Variants in CACNA1H observed in about 807,000 individuals in gnomAD.
The protein encoded by CACNA1H is voltage-dependent T-type calcium channel subunit alpha-1H.
In CACNA1H, 149 loss-of-function variants were observed where a neutral mutation model predicts 192.5. The ratio of observed to expected loss-of-function variants is 0.77; its 90% CI spans 0.68 to 0.89. The LOEUF (loss-of-function observed/expected upper bound fraction) is 0.89. Among genes scored for constraint, CACNA1H ranks in the 40% least tolerant of loss-of-function variants. The pLI is 0.00. For synonymous variants in CACNA1H, 2,202 were observed against 1,475.2 expected (o/e 1.49, Z -11.29); for missense variants, 4,257 against 3,423.5 (o/e 1.24, Z -6.08).
chr16:1,211,940 C>T lies in CACNA1H; in HGVS notation c.4567-6C>T, dbSNP rs750979154. On this transcript the variant is annotated splice_polypyrimidine_tract_variant and splice_region_variant and intron_variant, in intron 24 of 34. Transcript: ENST00000348261. ...CGGGCGGGGACCCACCGCCTCTGTGCCACAGCCTGTGCAGAACCACAACCC... is the reference window on the plus strand; with the variant it reads ...CGGGCGGGGACCCACCGCCTCTGTGTCACAGCCTGTGCAGAACCACAACCC... 1.2e-5 allele frequency: 19 copies of T among 1,612,938 alleles called. No individual in the cohort carries two copies. Among genetic ancestry groups the T allele is most frequent in the Admixed American group, 5.0e-5 (3 of 60,010 alleles).
At position 1,220,086 on chromosome 16, in the gene CACNA1H, G is replaced by A; in HGVS notation, c.6154G>A (p.Gly2052Arg). 1 of 1,461,694 alleles carries A rather than the reference G, an allele frequency of 6.8e-7. No homozygotes were observed. Among genetic ancestry groups the A allele is most frequent in the Non-Finnish European group, 9.0e-7 (1 of 1,108,574 alleles). 90.5% of individuals were successfully genotyped at this position (1,461,694 alleles called of 1,614,324 possible). ...AACCCCGGTGAGGCCGGTGACCCAG[G>A]GGGGCTCCCTGCAGTCCCCACCACG... is the stretch of plus-strand genomic sequence containing the variant. ...EKTPVRPVTQ[G>R]GSLQSPPRSP... is the part of the protein sequence containing the mutation. Residue 2052 changes from glycine to arginine, a missense_variant, in exon 35 of 35, where the codon GGG becomes AGG. Physicochemically the swap from Gly to Arg is moderately radical, Grantham distance 125. Transcript: ENST00000348261.
At position 1,180,720 on chromosome 16, in the gene CACNA1H, G is replaced by A. The variant is rs1965381019; in HGVS notation, c.300-14252G>A. On this transcript the variant is annotated intron_variant, in intron 2 of 34. Coordinates refer to ENST00000348261, the MANE Select transcript of CACNA1H (RefSeq NM_021098.3). The surrounding 1 kb of genome is among the most constrained non-coding windows in gnomAD (Gnocchi z 4.4). ...GAGGTGCAGACTGGGGAGAGTGCAGGGTGTGCAGCGGGGGCTGGGATGCCG... is the reference window on the plus strand; with the variant it reads ...GAGGTGCAGACTGGGGAGAGTGCAGAGTGTGCAGCGGGGGCTGGGATGCCG... 6.6e-6 allele frequency among the ~76,000 whole-genome samples: 1 copy of A among 152,128 alleles called. No homozygotes were observed. The highest frequency in any genetic ancestry group is 2.1e-4 in the South Asian group (1 of 4,836).
At chr16:1,157,680 C>T (rs1181745863) in intron 2 of CACNA1H, 2 of 152,450 alleles carry the variant, frequency 1.3e-5, no homozygotes, top group East Asian at 3.9e-4. Context: ...AACACTTTGT[C>T]TTAGCAGCGT....
At chr16:1,193,210 C>G (rs757381731) in intron 2 of CACNA1H, among the ~76,000 whole-genome samples, 1 of 151,214 alleles carries the variant, frequency 6.6e-6, no homozygotes, top group Non-Finnish European at 1.5e-5. Flanking sequence ...AATGATGGCC[C>G]TCAGAGATGC....
At chr16:1,206,723 C>T (rs1202353743) in intron 12 of CACNA1H, 3 of 476,300 alleles carry the variant, frequency 6.3e-6, no homozygotes, top group African/African-American at 1.9e-5. Context: ...GTCCCAGGTT[C>T]CAGTTGCCAC....
Position 1,211,298 on chromosome 16 carries a change from T to A in CACNA1H, c.4350+4T>A. The stretch of plus-strand genomic sequence containing the variant: ...TTTTGGCATTTTGGGTGTGCAGGTG[T>A]GTGGCCCCCACGTGCCCGGGGGTCT... On this transcript the variant is annotated splice_donor_region_variant and intron_variant, in intron 22 of 34. Transcript: ENST00000348261. 6.2e-7 allele frequency: 1 copy of A among 1,612,854 alleles called. No individual in the cohort carries two copies. Among genetic ancestry groups the A allele is most frequent in the Non-Finnish European group, 8.5e-7 (1 of 1,179,666 alleles).
Position 1,201,698 on chromosome 16 carries a change from G to A in CACNA1H, c.1248G>A (p.Val416=). 1.9e-6 allele frequency: 3 copies of A among 1,607,882 alleles called. No homozygotes were observed. The highest frequency in any genetic ancestry group is 1.1e-5 in the South Asian group (1 of 90,644). The part of the protein sequence containing the change: ...GSFFMINLCL[V]VIATQFSETK... ...TCTTCATGATCAACCTGTGCCTGGT[G>A]GTGATTGCCACGCAGTTCTCGGAGA... Residue 416 remains valine, a synonymous_variant, in exon 9 of 35, where the codon GTG becomes GTA. Transcript: ENST00000348261.
intron 2 of CACNA1H, among the ~76,000 whole-genome samples, chr16:1,154,294 C>T (rs953118855): frequency 6.6e-6 from 1 of 152,004 alleles, no homozygotes; most frequent in Non-Finnish European, 1.5e-5. Flanking sequence ...GGAAGCGAAG[C>T]GGTGAGGCCC....
chr16:1,217,756 G>A (rs1378462466), intron 31 of CACNA1H, among the ~76,000 whole-genome samples, 163 bp from the exon 32 acceptor site: 2 of 152,246 alleles, frequency 1.3e-5, no homozygotes, highest in African/African-American at 4.8e-5. Flanking sequence ...TCACACCCAG[G>A]GTCACCCTCT....
rs769858566 is a variant in CACNA1H, at chr16:1,195,036, C to T, written c.364C>T (p.Pro122Ser). The T allele has an allele frequency of 1.2e-6, 2 of 1,611,582 alleles. No homozygotes were observed. The highest frequency in any genetic ancestry group is 2.2e-5 in the East Asian group (1 of 44,816). ...CTGCGTGACCCTGGGCATGTTCCGG[C>T]CCTGTGAGGACGTTGAGTGCGGCTC... ...LNCVTLGMFR[P>S]CEDVECGSER... The change falls in exon 3 of 35, where the codon CCC becomes TCC. Residue 122 changes from proline to serine, a missense_variant. Pro to Ser is a moderately conservative substitution (Grantham distance 74). Coordinates refer to ENST00000348261, the MANE Select transcript of CACNA1H (RefSeq NM_021098.3).
intron 21 of CACNA1H, 50 bp from the exon 22 acceptor site, chr16:1,211,118 T>A (rs762778297): frequency 1.3e-6 from 2 of 1,598,172 alleles, no homozygotes; most frequent in Non-Finnish European, 1.7e-6. Flanking sequence ...TGCCGGCGCC[T>A]GGCAGCTGCT....
chr16:1,190,357 C>G (rs964511014), intron 2 of CACNA1H, among the ~76,000 whole-genome samples: 1 of 152,254 alleles, frequency 6.6e-6, no homozygotes. Context: ...CACCAGGCTC[C>G]GTGCGACACA....
rs749106645 is a variant in CACNA1H at position 1,220,203 on chromosome 16, G to T, written c.6271G>T (p.Ala2091Ser). ...GCCGGCGGCCCCAGGCGGAGAGGAG[G>T]CCGAGGCCTCGGACCCAGCCGACGA... ...SRPAAPGGEE[A>S]EASDPADEEV... The change falls in exon 35 of 35, where the codon GCC (alanine) becomes TCC (serine). Residue 2091 changes from alanine to serine, a missense_variant. Ala to Ser is a moderately conservative substitution (Grantham distance 99, BLOSUM62 1). Coordinates refer to ENST00000348261, the MANE Select transcript of CACNA1H (RefSeq NM_021098.3). 99 of 1,557,344 alleles carry T rather than the reference G, an allele frequency of 6.4e-5. No individual in the cohort carries two copies. The highest frequency in any genetic ancestry group is 8.4e-5 in the Non-Finnish European group (97 of 1,156,938).
intron 4 of CACNA1H, 102 bp downstream of exon 4, chr16:1,195,667 C>G (rs922681307): frequency 4.7e-5 from 63 of 1,347,436 alleles, no homozygotes; most frequent in Non-Finnish European, 5.6e-5. Context: ...GAGGTGTGTT[C>G]TAGAGGGATC....
chr16:1,186,776 G>C (rs1289622962), intron 2 of CACNA1H, among the ~76,000 whole-genome samples: 2 of 152,164 alleles, frequency 1.3e-5, no homozygotes, highest in African/African-American at 2.4e-5. Flanking sequence ...GAGATATTCT[G>C]CCCTTCTAGC....
chr16:1,221,201 T>A lies in CACNA1H; in HGVS notation c.*207T>A. The A allele has an allele frequency of 1.9e-6, 1 of 522,622 alleles. No individual in the cohort carries two copies. The highest frequency in any genetic ancestry group is 3.0e-5 in the East Asian group (1 of 33,528). The allele number at this position is 522,622 out of a possible 1,614,324, so 32.4% of individuals were successfully genotyped here. ...CCCACGAGCCTCCGTCCGTTCTGGTTCGGGTTTCTCCGAGTTTTGCTACCA... is the reference window on the plus strand; with the variant it reads ...CCCACGAGCCTCCGTCCGTTCTGGTACGGGTTTCTCCGAGTTTTGCTACCA... On this transcript the variant is annotated 3_prime_UTR_variant, in exon 35 of 35. Transcript: ENST00000348261.
In CACNA1H at chr16:1,180,150, G is replaced by A. The variant is rs1014751372; in HGVS notation, c.300-14822G>A. Among the ~76,000 whole-genome samples the A allele has an allele frequency of 2.6e-5, 4 of 152,040 alleles. No individual in the cohort carries two copies. In the East Asian group the frequency reaches 7.7e-4, roughly 29 times the overall value. On this transcript the variant is annotated intron_variant, in intron 2 of 34. Transcript: ENST00000348261. This position sits in a 1 kb window ranked among gnomAD's most constrained non-coding sequence, Gnocchi z 4.4. The stretch of plus-strand genomic sequence containing the variant: ...GGACGGCCAGCCCGTTGGGTGCCCT[G>A]GCTGGGTCCCTGTCCCTGCACACCG...
chr16:1,153,553 G>A (rs1455307596), intron 1 of CACNA1H, 83 bp downstream of exon 1: 6 of 340,004 alleles, frequency 1.8e-5, no homozygotes, highest in African/African-American at 4.4e-5. Flanking sequence ...GTGGGGGTGG[G>A]GCCGCTGGAG....
intron 9 of CACNA1H, 60 bp downstream of exon 9, chr16:1,202,512 T>TCTC: frequency 7.2e-7 from 1 of 1,393,734 alleles, no homozygotes; most frequent in Non-Finnish European, 9.5e-7. Flanking sequence ...GCGGGCAGGG[T>TCTC]CTCCGGTGTG....
Sources: gnomAD v4.1 joint callset for allele counts (sites outside exome capture counted in the v4.1 genomes callset) on GRCh38, gnomAD v4.1.1 for gene constraint, Gnocchi (gnomAD v3.1) non-coding constraint, MANE v1.5 for transcripts, NCBI Gene and HGNC (gene_info 2026-07-23, HGNC 2026-07-21) for gene names.